The following DPP6 variants were observed in gnomAD, a reference collection of about 807,000 sequenced individuals.
DPP6 encodes dipeptidyl peptidase like 6.
Under a neutral mutation model 122.6 loss-of-function variants are expected in DPP6, and 69 were observed. The ratio of observed to expected loss-of-function variants is 0.56; its 90% CI spans 0.46 to 0.69. DPP6 has a LOEUF of 0.69. Ranked by LOEUF, DPP6 falls within the 30% of genes least tolerant of loss-of-function variation. DPP6 has a pLI of 0.00. For synonymous variants in DPP6, 418 were observed against 433.1 expected, an observed-to-expected ratio of 0.97 and a Z score of 0.43; for missense variants, 928 against 1,116.9, an observed-to-expected ratio of 0.83 and a Z score of 2.41.
rs534060050 is a variant in DPP6, at chr7:154,224,309, G to A, written c.243+171246G>A. ...TGCACTCCAGCCTGGGTGACAGAGT[G>A]AGACTCTGTCTCAAAAATATAAAAA... On this transcript the variant is annotated intron_variant, in intron 1 of 25. Transcript: ENST00000377770. 1.1e-3 allele frequency among the ~76,000 whole-genome samples: 160 copies of A among 149,034 alleles called. 5 individuals are homozygous for A. The highest frequency in any genetic ancestry group is 1.8e-3 in the Non-Finnish European group (121 of 67,870).
chr7:154,137,730 C>T (rs992599509), intron 1 of DPP6, among the ~76,000 whole-genome samples: 1 of 151,454 alleles, frequency 6.6e-6, no homozygotes, highest in Non-Finnish European at 1.5e-5. Flanking sequence ...CACATCTTCC[C>T]TGCTGAAGAA....
At chr7:154,075,043 A>T (rs535320005) in intron 1 of DPP6, among the ~76,000 whole-genome samples, 8 of 152,138 alleles carry the variant, frequency 5.3e-5, no homozygotes, top group South Asian at 2.1e-4. Flanking sequence ...GCCAACAAAC[A>T]TATGAAAAAA....
chr7:153,836,628 A>C, the DPP6 span, among the ~76,000 whole-genome samples: 1 of 152,212 alleles, frequency 6.6e-6, no homozygotes, highest in African/African-American at 2.4e-5. Flanking sequence ...CAGTGGATTA[A>C]ATTTTATACA....
intron 1 of DPP6, chr7:154,305,209 T>G: frequency 1.8e-6 from 2 of 1,132,518 alleles, no homozygotes; most frequent in East Asian, 4.7e-5. Context: ...TGCTAAGCAG[T>G]TATCATTGTT....
At chr7:154,762,219 T>A (rs1282800988) in intron 8 of DPP6, among the ~76,000 whole-genome samples, 2 of 152,188 alleles carry the variant, frequency 1.3e-5, no homozygotes, top group Admixed American at 1.3e-4. Context: ...TCACAAGCCA[T>A]CACTTTCTGC....
At chr7:154,495,395 T>C (rs1186443805) in intron 3 of DPP6, among the ~76,000 whole-genome samples, 3 of 142,008 alleles carry the variant, frequency 2.1e-5, no homozygotes, top group Admixed American at 7.2e-5. Flanking sequence ...TGTGGTTTTT[T>C]TTTTTTTGTT....
At chr7:153,964,196 A>T (rs28711624) in intron 1 of DPP6, among the ~76,000 whole-genome samples, 1 of 151,874 alleles carries the variant, frequency 6.6e-6, no homozygotes. Context: ...GGGTTTCACC[A>T]TGTTGATCAA....
chr7:154,231,368 G>A (rs1336858535), intron 1 of DPP6, among the ~76,000 whole-genome samples: 2 of 152,154 alleles, frequency 1.3e-5, no homozygotes, highest in Non-Finnish European at 2.9e-5. Context: ...CCCAGTTTTG[G>A]GCATTCAGTC....
At chr7:154,767,214 T>C (rs1795960391) in intron 8 of DPP6, among the ~76,000 whole-genome samples, 1 of 152,170 alleles carries the variant, frequency 6.6e-6, no homozygotes. Context: ...CTCTGCTGAT[T>C]TCTGTGGGCT....
Position 154,023,318 on chromosome 7 carries a change from G to GCACGCACACACA in DPP6, c.51+135587_51+135588insGCACACACACAC, listed in dbSNP as rs373378162. 4.5e-3 allele frequency among the ~76,000 whole-genome samples: 581 copies of GCACGCACACACA among 129,602 alleles called. 16 individuals are homozygous for GCACGCACACACA. The highest frequency in any genetic ancestry group is 0.018 in the African/African-American group (546 of 31,162). The allele number at this position is 129,602 out of a possible 152,430, so 85.0% of individuals were successfully genotyped here. On this transcript the variant is annotated intron_variant, in intron 1 of 25. Transcript: ENST00000404039. The stretch of plus-strand genomic sequence containing the variant: ...CAGGCTCTGGAAATGTTTCTTGTCT[G>GCACGCACACACA]CACACACACACACACACACACACAC...
chr7:153,926,229 G>A (rs1388744534), intron 1 of DPP6, among the ~76,000 whole-genome samples: 1 of 152,120 alleles, frequency 6.6e-6, no homozygotes, highest in Non-Finnish European at 1.5e-5. Flanking sequence ...CTTTGAGTCT[G>A]TTTTGCACAT....
At chr7:153,849,845 A>C in the DPP6 span, among the ~76,000 whole-genome samples, 1 of 152,154 alleles carries the variant, frequency 6.6e-6, no homozygotes, top group African/African-American at 2.4e-5. Context: ...TTTTCTTTAC[A>C]AACATTTTCA....
At chr7:154,567,185 C>A (rs987702622) in intron 5 of DPP6, among the ~76,000 whole-genome samples, 45 of 152,260 alleles carry the variant, frequency 3.0e-4, no homozygotes, top group Non-Finnish European at 6.0e-4. Context: ...TCTTCATAGA[C>A]ACAAATCTTG....
intron 8 of DPP6, among the ~76,000 whole-genome samples, chr7:154,741,115 G>A (rs1586995266): frequency 6.6e-6 from 1 of 152,200 alleles, no homozygotes; most frequent in South Asian, 2.1e-4. Context: ...GAGGATGCGA[G>A]GAGTCAGATT....
the DPP6 span, among the ~76,000 whole-genome samples, chr7:153,768,537 C>T: frequency 1.3e-5 from 2 of 152,210 alleles, 1 homozygote; most frequent in South Asian, 4.2e-4. Flanking sequence ...GATGTTATCA[C>T]CTTTCTGGAT....
At chr7:154,198,262 T>C (rs1430481195) in intron 1 of DPP6, among the ~76,000 whole-genome samples, 2 of 152,074 alleles carry the variant, frequency 1.3e-5, no homozygotes, top group East Asian at 1.9e-4. Flanking sequence ...CTACAGAGGG[T>C]GAGAGACTGG....
chr7:154,513,527 G>A (rs1826245279), intron 3 of DPP6, among the ~76,000 whole-genome samples: 3 of 152,164 alleles, frequency 2.0e-5, no homozygotes, highest in Non-Finnish European at 4.4e-5. Context: ...CCTCCTTCAT[G>A]GGGGAATGTA....
intron 1 of DPP6, among the ~76,000 whole-genome samples, chr7:154,384,683 T>C (rs926653183): frequency 6.6e-6 from 1 of 152,132 alleles, no homozygotes; most frequent in African/African-American, 2.4e-5. Context: ...AGTAACGTTC[T>C]GCAGTAACAC....
chr7:154,305,533 C>T lies in DPP6; in HGVS notation c.244-140681C>T, dbSNP rs1208181235. On this transcript the variant is annotated intron_variant, in intron 1 of 25. Transcript: ENST00000377770. ...AGGAGCCAAGCGCTTCGGGGAAATC[C>T]GTGCAGCAGCAGGAACAGGTAATGC... is the stretch of plus-strand genomic sequence containing the variant. 1.9e-6 allele frequency: 3 copies of T among 1,604,024 alleles called. No individual in the cohort carries two copies. In the East Asian group the frequency reaches 6.7e-5, roughly 36 times the overall value.
Sources: allele counts gnomAD v4.1 joint callset (sites outside exome capture counted in the v4.1 genomes callset), GRCh38; gene constraint gnomAD v4.1.1; transcripts MANE v1.5; gene names NCBI Gene and HGNC (gene_info 2026-07-23, HGNC 2026-07-21).